PPP6R3: variants seen among roughly 807,000 people sequenced by gnomAD.
The protein encoded by PPP6R3 is protein phosphatase 6 regulatory subunit 3.
In PPP6R3, 38 loss-of-function variants were observed where a neutral mutation model predicts 110.7. That is an observed-to-expected ratio of 0.34 (90% CI 0.26 to 0.45). The LOEUF is 0.45. Ranked by LOEUF, PPP6R3 falls within the 20% of genes least tolerant of loss-of-function variation. The pLI, the probability that PPP6R3 is intolerant of heterozygous loss-of-function variation, is 1.00. For missense variants in PPP6R3, 870 were observed against 1,062.4 expected, an observed-to-expected ratio of 0.82 and a Z score of 2.52; for synonymous variants, 369 against 373.5, an observed-to-expected ratio of 0.99 and a Z score of 0.14.
At chr11:68,577,280 T>A (rs1422174558) in intron 14 of PPP6R3, among the ~76,000 whole-genome samples, 249 of 152,328 alleles carry the variant, frequency 1.6e-3, no homozygotes, top group Non-Finnish European at 3.2e-3. Flanking sequence ...TCGTTTAACT[T>A]GAGTGTTCTG....
At chr11:68,513,784 T>C (rs1592322665) in intron 1 of PPP6R3, among the ~76,000 whole-genome samples, 4 of 152,384 alleles carry the variant, frequency 2.6e-5, no homozygotes. Context: ...CACATTTGAC[T>C]CCACAAAAGT....
intron 1 of PPP6R3, among the ~76,000 whole-genome samples, chr11:68,464,219 G>C (rs557263478): frequency 6.6e-6 from 1 of 152,260 alleles, no homozygotes; most frequent in East Asian, 1.9e-4. Flanking sequence ...TGCAACCTCT[G>C]CCTCCTGGGT....
At chr11:68,589,135 G>C (rs981974093) in intron 16 of PPP6R3, among the ~76,000 whole-genome samples, 2 of 151,984 alleles carry the variant, frequency 1.3e-5, no homozygotes, top group Non-Finnish European at 2.9e-5. Flanking sequence ...CTTGAACTTG[G>C]GAGGCAGAGG....
intron 11 of PPP6R3, among the ~76,000 whole-genome samples, chr11:68,570,531 T>TG (rs1354044816): frequency 2.0e-5 from 3 of 152,244 alleles, no homozygotes; most frequent in African/African-American, 7.2e-5. Flanking sequence ...ATTCCAGTAT[T>TG]GCAGCCTACA....
At chr11:68,494,342 G>A (rs952016033) in intron 1 of PPP6R3, among the ~76,000 whole-genome samples, 2 of 147,050 alleles carry the variant, frequency 1.4e-5, no homozygotes, top group African/African-American at 5.1e-5. Context: ...TGTCCCACAT[G>A]GTGAAAGCCC....
intron 19 of PPP6R3, among the ~76,000 whole-genome samples, 158 bp downstream of exon 19, chr11:68,596,376 CAG>C (rs555428475): frequency 1.3e-5 from 2 of 152,310 alleles, no homozygotes; most frequent in South Asian, 4.1e-4. Flanking sequence ...GTTTAAGTTT[CAG>C]AGACAGCTTC....
intron 1 of PPP6R3, among the ~76,000 whole-genome samples, chr11:68,517,509 A>G (rs2099142946): frequency 6.6e-6 from 1 of 152,216 alleles, no homozygotes; most frequent in Admixed American, 6.5e-5. Context: ...CGAACAGAGA[A>G]TGCATAAGAC....
At chr11:68,494,504 T>C (rs1377795465) in intron 1 of PPP6R3, among the ~76,000 whole-genome samples, 1 of 151,864 alleles carries the variant, frequency 6.6e-6, no homozygotes, top group Non-Finnish European at 1.5e-5. Flanking sequence ...CCTTCTAGTG[T>C]TAGTTTTAAT....
At chr11:68,563,618 C>T (rs111691533) in intron 8 of PPP6R3, among the ~76,000 whole-genome samples, 1 of 152,340 alleles carries the variant, frequency 6.6e-6, no homozygotes, top group South Asian at 2.1e-4. Context: ...ACAGAATAGA[C>T]AGTACTCAGT....
chr11:68,550,599 G>T (rs1295101713), intron 5 of PPP6R3, among the ~76,000 whole-genome samples: 2 of 152,194 alleles, frequency 1.3e-5, no homozygotes, highest in South Asian at 2.1e-4. Context: ...GAAAAACTCT[G>T]CCTCTGTGCT....
chr11:68,574,021 G>A (rs756050340), intron 12 of PPP6R3, 88 bp from the exon 13 acceptor site: 88 of 904,374 alleles, frequency 9.7e-5, no homozygotes, highest in Non-Finnish European at 1.5e-4. Context: ...GGTTTAAAAT[G>A]ATTGTTTAAA....
chr11:68,583,064 T>G lies in PPP6R3; in HGVS notation c.1567T>G (p.Ser523Ala). 1 of 1,543,038 alleles carries G rather than the reference T, an allele frequency of 6.5e-7. No homozygotes were observed. The highest frequency in any genetic ancestry group is 8.8e-7 in the Non-Finnish European group (1 of 1,141,758). Residue 523 changes from serine to alanine, a missense_variant, in exon 15 of 24, where the codon TCA becomes GCA. Ser to Ala is a moderately conservative substitution (Grantham distance 99). Coordinates refer to ENST00000393800, the MANE Select transcript of PPP6R3 (RefSeq NM_001164161.2). ...VDLVTTCHIH[S>A]SSDDEIDFKE... Reference sequence around the variant, plus strand: ...ATAGGTTACAACCTGCCATATTCATTCATCCAGTGATGATGAAATTGACTT... The same window carrying G: ...ATAGGTTACAACCTGCCATATTCATGCATCCAGTGATGATGAAATTGACTT...
rs557298605 is a variant in PPP6R3 at position 68,502,604 on chromosome 11, C to G, written c.-157-16897C>G. Reference sequence around the variant, plus strand: ...CAGTTTACCTTATTCCAGGTTGTGGCAAAAGATGCAGAGAAGGGAAAGTGT... The same window carrying G: ...CAGTTTACCTTATTCCAGGTTGTGGGAAAAGATGCAGAGAAGGGAAAGTGT... On this transcript the variant is annotated intron_variant, in intron 1 of 23. Transcript: ENST00000393800. 4.6e-5 allele frequency among the ~76,000 whole-genome samples: 7 copies of G among 152,210 alleles called. No individual in the cohort carries two copies. The South Asian group carries it at 1.5e-3, about 32-fold the overall frequency.
At chr11:68,595,300 C>T (rs957500232) in intron 18 of PPP6R3, among the ~76,000 whole-genome samples, 9 of 139,026 alleles carry the variant, frequency 6.5e-5, no homozygotes, top group Non-Finnish European at 7.6e-5. Flanking sequence ...ACTGCAGCCT[C>T]TGCCTCCCAG....
At position 68,548,154 on chromosome 11, in the gene PPP6R3, A is replaced by C. The variant is rs773468621; in HGVS notation, c.502A>C (p.Arg168=). Residue 168 remains arginine (R), a synonymous_variant, in exon 5 of 24, where the codon AGG becomes CGG. Coordinates refer to ENST00000393800, the MANE Select transcript of PPP6R3 (RefSeq NM_001164161.2). ...GTSAIMDLLL[R]LLTCIEPPQP... Reference sequence around the variant, plus strand: ...TTCTGCTATCATGGATTTGTTGCTCAGGCTCCTGACGTGTATCGAACCTCC... The same window carrying C: ...TTCTGCTATCATGGATTTGTTGCTCCGGCTCCTGACGTGTATCGAACCTCC... The C allele has an allele frequency of 6.2e-7, 1 of 1,614,216 alleles. No individual in the cohort carries two copies. The highest frequency in any genetic ancestry group is 8.5e-7 in the Non-Finnish European group (1 of 1,180,022).
intron 2 of PPP6R3, among the ~76,000 whole-genome samples, chr11:68,527,231 C>T (rs146241194): frequency 5.7e-4 from 87 of 152,250 alleles, no homozygotes; most frequent in African/African-American, 2.0e-3. Flanking sequence ...AATCTTGTAG[C>T]GGATACCTTG....
Position 68,519,665 on chromosome 11 carries a change from G to C in PPP6R3, c.-7+14G>C. On this transcript the variant is annotated intron_variant, in intron 2 of 23. Coordinates refer to ENST00000393800, the MANE Select transcript of PPP6R3 (RefSeq NM_001164161.2). ...TTGGTTTGAAAGGTAAGACCATTAC[G>C]ATTAGCAGGAGTTTCCTTCCATTAA... is the stretch of plus-strand genomic sequence containing the variant. 2.5e-6 allele frequency: 1 copy of C among 398,468 alleles called. No homozygotes were observed. Among genetic ancestry groups the C allele is most frequent in the Non-Finnish European group, 4.4e-6 (1 of 226,010 alleles). 24.7% of individuals were successfully genotyped at this position (398,468 alleles called of 1,614,324 possible).
intron 18 of PPP6R3, among the ~76,000 whole-genome samples, chr11:68,595,853 T>G (rs1487249261): frequency 2.0e-5 from 3 of 152,170 alleles, no homozygotes; most frequent in Non-Finnish European, 4.4e-5. Context: ...AAGGTGGTTC[T>G]TAGATTGTGG....
intron 1 of PPP6R3, among the ~76,000 whole-genome samples, chr11:68,490,993 C>G (rs536239841): frequency 6.6e-6 from 1 of 152,052 alleles, no homozygotes; most frequent in Non-Finnish European, 1.5e-5. Context: ...TGAGACCAAC[C>G]TGGTCAACTT....
Sources: gnomAD v4.1 joint callset for allele counts (sites outside exome capture counted in the v4.1 genomes callset) on GRCh38, gnomAD v4.1.1 for gene constraint, MANE v1.5 for transcripts, NCBI Gene and HGNC (gene_info 2026-07-23, HGNC 2026-07-21) for gene names.